The following MZF1 variants were observed in gnomAD, a reference collection of about 807,000 sequenced individuals.
The protein encoded by MZF1 is zinc finger and SCAN domain-containing protein 6.
A neutral mutation model predicts 28.6 loss-of-function variants in MZF1; 24 were observed. The observed-to-expected ratio is 0.84, with a 90% CI of 0.61 to 1.18. The LOEUF is 1.18. Ranked by LOEUF, MZF1 falls within the 50% of genes most tolerant of loss-of-function variation. The pLI, the probability that MZF1 is intolerant of heterozygous loss-of-function variation, is 0.00. For missense variants in MZF1, 1,166 were observed against 1,026.4 expected, an observed-to-expected ratio of 1.14 and a Z score of -1.86; for synonymous variants, 516 against 432.5, an observed-to-expected ratio of 1.19 and a Z score of -2.40.
Position 58,569,463 on chromosome 19 carries a change from C to T in MZF1, c.651+53G>A, listed in dbSNP as rs1283937146. The T allele has an allele frequency of 5.0e-6, 8 of 1,613,392 alleles. No homozygotes were observed. In the Admixed American group the frequency reaches 5.0e-5, roughly 10 times the overall value. ...GCTCAGGGAGGGACCTACCTGACCCCACCCAGCAACTTCCAGGGAAAGGAG... is the reference window on the plus strand; with the variant it reads ...GCTCAGGGAGGGACCTACCTGACCCTACCCAGCAACTTCCAGGGAAAGGAG... On this transcript the variant is annotated intron_variant, in intron 4 of 5. Transcript: ENST00000215057.
chr19:58,562,948 A>C lies in MZF1; in HGVS notation c.1329T>G (p.Ala443=). The C allele has an allele frequency of 1.3e-6, 2 of 1,598,236 alleles. No individual in the cohort carries two copies. Among genetic ancestry groups the C allele is most frequent in the Non-Finnish European group, 1.7e-6 (2 of 1,177,296 alleles). The change falls in exon 6 of 6, where the codon GCT becomes GCG. Residue 443 remains alanine, a synonymous_variant. Transcript: ENST00000215057. ...GCTGCCGGAAGCTCTGGCCGCACTC[A>C]GCGCAACGGAAAGGCTGTTCGCCCG... ...VHTGEQPFRC[A]ECGQSFRQRS...
intron 5 of MZF1, among the ~76,000 whole-genome samples, chr19:58,567,386 A>G (rs2054078211): frequency 6.6e-6 from 1 of 152,230 alleles, no homozygotes; most frequent in Non-Finnish European, 1.5e-5. Flanking sequence ...GCCATGACTT[A>G]CTTCTGGATT....
At chr19:58,563,606 G>T in intron 5 of MZF1, 102 bp from the exon 6 acceptor site, 1 of 973,956 alleles carries the variant, frequency 1.0e-6, no homozygotes, top group South Asian at 1.8e-5. Flanking sequence ...ACCTGAAACT[G>T]ACCAAAGAGG....
At chr19:58,565,723 G>A (rs146262068) in intron 5 of MZF1, among the ~76,000 whole-genome samples, 18,722 of 148,168 alleles carry the variant, frequency 0.13, 2,131 homozygotes, top group African/African-American at 0.3. Context: ...TAGTAGAGAC[G>A]GGGTTTCGCC....
intron 5 of MZF1, 148 bp downstream of exon 5, chr19:58,569,129 T>C (rs2054109423): frequency 9.0e-7 from 1 of 1,106,762 alleles, no homozygotes; most frequent in African/African-American, 1.6e-5. Context: ...CTAGAGGAGG[T>C]TGAACCTTAT....
At chr19:58,564,196 A>G (rs577601085) in intron 5 of MZF1, 30 of 152,362 alleles carry the variant, frequency 2.0e-4, no homozygotes, top group African/African-American at 7.2e-4. Flanking sequence ...TTAAATCAAG[A>G]AGACTGAGAG....
intron 2 of MZF1, 56 bp downstream of exon 2, chr19:58,570,938 G>T: frequency 1.3e-6 from 2 of 1,530,538 alleles, no homozygotes; most frequent in South Asian, 2.5e-5. Flanking sequence ...TGCCCAGGGT[G>T]AGGCCGAGCT....
In MZF1 at chr19:58,562,653, C is replaced by T. The variant is rs1374403450; in HGVS notation, c.1624G>A (p.Ala542Thr). The T allele has an allele frequency of 2.6e-6, 4 of 1,542,462 alleles. No individual in the cohort carries two copies. The highest frequency in any genetic ancestry group is 2.0e-5 in the Admixed American group (1 of 51,148). Residue 542 changes from alanine to threonine, a missense_variant, in exon 6 of 6, where the codon GCC becomes ACC. Coordinates refer to ENST00000215057, the MANE Select transcript of MZF1 (RefSeq NM_198055.2). Reference sequence around the variant, plus strand: ...AAGCTCTGGCCGCACTCGGCACAGGCGAAGGGCCGCTCGCCACTGTGCACG... The same window carrying T: ...AAGCTCTGGCCGCACTCGGCACAGGTGAAGGGCCGCTCGCCACTGTGCACG... ...RRVHSGERPF[A>T]CAECGQSFRQ...
chr19:58,562,417 G>T lies in MZF1; in HGVS notation c.1860C>A (p.Thr620=). The change falls in exon 6 of 6, where the codon ACC becomes ACA. Residue 620 remains threonine, a synonymous_variant. Coordinates refer to ENST00000215057, the MANE Select transcript of MZF1 (RefSeq NM_198055.2). ...CACCGCAGTGGTAGGGCTTTTCGCC[G>T]GTGTGTGTCCTCTGATGACGCGTGA... ...LKLTRHQRTH[T]GEKPYHCGEC... The T allele has an allele frequency of 2.5e-6, 4 of 1,609,638 alleles. No homozygotes were observed. The highest frequency in any genetic ancestry group is 3.4e-6 in the Non-Finnish European group (4 of 1,178,462).
chr19:58,569,134 C>A (rs894633419), intron 5 of MZF1, 143 bp downstream of exon 5: 1 of 1,174,698 alleles, frequency 8.5e-7, no homozygotes, highest in East Asian at 2.5e-5. Flanking sequence ...GGAGGTTGAA[C>A]CTTATAGGGG....
intron 1 of MZF1, 176 bp from the exon 2 acceptor site, chr19:58,571,605 A>T (rs2054165239): frequency 3.3e-6 from 2 of 604,874 alleles, no homozygotes; most frequent in Non-Finnish European, 5.7e-6. Context: ...GCCCTCCCTT[A>T]GCCACCTGTA....
chr19:58,562,751 C>T lies in MZF1; in HGVS notation c.1526G>A (p.Gly509Asp), dbSNP rs752975044. The stretch of plus-strand genomic sequence containing the variant: ...CTCGACGCAGCCAAAGGACTTGTCG[C>T]CCGTGTGTACCGCCTGGTGCTCCAG... ...VLLEHQAVHT[G>D]DKSFGCVECG... Residue 509 changes from glycine (G) to aspartate (D), a missense_variant, in exon 6 of 6, where the codon GGC (glycine) becomes GAC (aspartate). Physicochemically the swap from Gly to Asp is moderately conservative, Grantham distance 94. Transcript: ENST00000215057. 6.5e-7 allele frequency: 1 copy of T among 1,536,024 alleles called. No individual in the cohort carries two copies. The highest frequency in any genetic ancestry group is 1.2e-5 in the South Asian group (1 of 84,370).
chr19:58,571,352 G>T lies in MZF1; in HGVS notation c.38C>A (p.Pro13His). 2 of 1,614,160 alleles carry T rather than the reference G, an allele frequency of 1.2e-6. No homozygotes were observed. The highest frequency in any genetic ancestry group is 8.5e-7 in the Non-Finnish European group (1 of 1,180,020). The change falls in exon 2 of 6, where the codon CCC becomes CAC. Residue 13 changes from proline (P) to histidine (H), a missense_variant. Transcript: ENST00000215057. ...CATGACAGGCCCCTCATCTTCTGGG[G>T]GTGCTCGGTCTGGGGAGCCCAGCAC... ...PAVLGSPDRA[P>H]PEDEGPVMVK...
intron 5 of MZF1, among the ~76,000 whole-genome samples, chr19:58,567,136 G>C (rs1372706589): frequency 3.3e-5 from 5 of 152,138 alleles, no homozygotes; most frequent in Non-Finnish European, 5.9e-5. Context: ...TCGAACTCTT[G>C]GACTCAAACA....
At chr19:58,571,845 A>G (rs930167041) in intron 1 of MZF1, 11 of 168,992 alleles carry the variant, frequency 6.5e-5, no homozygotes, top group Non-Finnish European at 1.2e-4. Flanking sequence ...CTAATTTCTT[A>G]ATTTTTCTGT....
chr19:58,566,263 A>G (rs956719763), intron 5 of MZF1, among the ~76,000 whole-genome samples: 4 of 151,914 alleles, frequency 2.6e-5, no homozygotes, highest in African/African-American at 9.7e-5. Context: ...CCTGACCAAC[A>G]TGGGGAAACC....
chr19:58,564,333 C>CA (rs1026217699), intron 5 of MZF1: 21 of 151,702 alleles, frequency 1.4e-4, no homozygotes, highest in African/African-American at 3.6e-4. Context: ...GGCCAAAAAA[C>CA]AAAAAAAATT....
intron 5 of MZF1, chr19:58,564,250 C>T (rs1208258146): frequency 6.6e-6 from 1 of 151,792 alleles, no homozygotes; most frequent in African/African-American, 2.4e-5. Flanking sequence ...CATAAGTCGC[C>T]AAAGAAAAGT....
At position 58,562,136 on chromosome 19, in the gene MZF1, C is replaced by T. The variant is rs1373120490; in HGVS notation, c.2141G>A (p.Cys714Tyr). ...GGTGCTCTGGTGGAAGCGGCGGCCA[C>T]AGTCCTGGCAGGCGAAGGGCTTCTC... ...RREKPFACQD[C>Y]GRRFHQSTKL... The change falls in exon 6 of 6, where the codon TGT becomes TAT. Residue 714 changes from cysteine (C) to tyrosine (Y), a missense_variant. Coordinates refer to ENST00000215057, the MANE Select transcript of MZF1 (RefSeq NM_198055.2). The T allele has an allele frequency of 1.9e-6, 3 of 1,596,768 alleles. No homozygotes were observed. Among genetic ancestry groups the T allele is most frequent in the Non-Finnish European group, 1.7e-6 (2 of 1,173,682 alleles).
Sources: allele counts gnomAD v4.1 joint callset (sites outside exome capture counted in the v4.1 genomes callset), GRCh38; gene constraint gnomAD v4.1.1; transcripts MANE v1.5; gene names NCBI Gene and HGNC (gene_info 2026-07-23, HGNC 2026-07-21).